The following ATXN10 variants were observed in gnomAD, a reference collection of about 807,000 sequenced individuals.
ATXN10 encodes ataxin 10, also known as ataxin-10.
ATXN10 carries 28 observed loss-of-function variants against 52.9 expected under a neutral mutation model. That is an observed-to-expected ratio of 0.53 (90% CI 0.39 to 0.73). The LOEUF is 0.73. Ranked by LOEUF, ATXN10 falls within the 30% of genes least tolerant of loss-of-function variation. ATXN10 has a pLI of 0.00. For missense variants in ATXN10, 565 were observed against 577.0 expected (o/e 0.98, Z 0.21); for synonymous variants, 226 against 221.5 (o/e 1.02, Z -0.18).
At position 45,688,014 on chromosome 22, in the gene ATXN10, A is replaced by C. The variant is rs1466219811; in HGVS notation, c.117-1698A>C. ...AGAGGTTGCAGTGAGCCAAGATTGC[A>C]CCACTGCAACTCCAGCCTGGGCGAC... On this transcript the variant is annotated intron_variant, in intron 1 of 11. Coordinates refer to ENST00000252934, the MANE Select transcript of ATXN10 (RefSeq NM_013236.4). The surrounding 1 kb of genome is among the most constrained non-coding windows in gnomAD (Gnocchi z 4.0). Among the ~76,000 whole-genome samples the C allele has an allele frequency of 6.6e-6, 1 of 152,138 alleles. No individual in the cohort carries two copies. Among genetic ancestry groups the C allele is most frequent in the East Asian group, 1.9e-4 (1 of 5,184 alleles).
At chr22:45,832,877 G>T (rs545766440) in intron 10 of ATXN10, among the ~76,000 whole-genome samples, 1 of 152,156 alleles carries the variant, frequency 6.6e-6, no homozygotes, top group Non-Finnish European at 1.5e-5. Context: ...AGAGATACGC[G>T]TCAAGGGAGA....
intron 10 of ATXN10, among the ~76,000 whole-genome samples, chr22:45,815,755 C>A (rs1377400910): frequency 7.9e-5 from 12 of 152,088 alleles, no homozygotes; most frequent in African/African-American, 2.7e-4. Context: ...AGGGTGTAAA[C>A]CCAGCTTTCT....
intron 5 of ATXN10, among the ~76,000 whole-genome samples, chr22:45,716,250 C>T (rs1464099922): frequency 6.6e-6 from 1 of 151,760 alleles, no homozygotes; most frequent in African/African-American, 2.4e-5. Flanking sequence ...GGTGACAGAG[C>T]GAGACCCCAT....
rs529403811 is a variant in ATXN10 at position 45,750,743 on chromosome 22, A to C, written c.1173+10205A>C. ...TTTATAGGTTAGTGGAGGCAGACATAGTTTCCAAACAGACCCAGGAGAAGT... is the reference window on the plus strand; with the variant it reads ...TTTATAGGTTAGTGGAGGCAGACATCGTTTCCAAACAGACCCAGGAGAAGT... On this transcript the variant is annotated intron_variant, in intron 9 of 11. Transcript: ENST00000252934. This position sits in a 1 kb window ranked among gnomAD's most constrained non-coding sequence, Gnocchi z 4.2. 2.0e-5 allele frequency among the ~76,000 whole-genome samples: 3 copies of C among 152,342 alleles called. No individual in the cohort carries two copies. The highest frequency in any genetic ancestry group is 7.2e-5 in the African/African-American group (3 of 41,582).
In ATXN10 at chr22:45,766,832, C is replaced by T. The variant is rs1378225328; in HGVS notation, c.1173+26294C>T. On this transcript the variant is annotated intron_variant, in intron 9 of 11. Coordinates refer to ENST00000252934, the MANE Select transcript of ATXN10 (RefSeq NM_013236.4). This position sits in a 1 kb window ranked among gnomAD's most constrained non-coding sequence, Gnocchi z 4.6. Reference sequence around the variant, plus strand: ...AAAAATAAAGGAAAAAACCAATAGCCCTACAGAAAAATGGATAAAAGATAT... The same window carrying T: ...AAAAATAAAGGAAAAAACCAATAGCTCTACAGAAAAATGGATAAAAGATAT... Among the ~76,000 whole-genome samples the T allele has an allele frequency of 1.3e-5, 2 of 151,970 alleles. No homozygotes were observed. The highest frequency in any genetic ancestry group is 2.9e-5 in the Non-Finnish European group (2 of 67,984).
chr22:45,672,084 G>A lies in ATXN10; in HGVS notation c.21G>A (p.Pro7=). The stretch of plus-strand genomic sequence containing the variant: ...GCAAGATGGCGGCGCCCAGGCCGCC[G>A]CCTGCCAGGCTGTCGGGCGTCATGG... The part of the protein sequence containing the change: MAAPRP[P]PARLSGVMVP... The change falls in exon 1 of 12, where the codon CCG becomes CCA. Residue 7 remains proline, a synonymous_variant. Transcript: ENST00000252934. The A allele has an allele frequency of 1.3e-6, 2 of 1,538,020 alleles. No individual in the cohort carries two copies. The highest frequency in any genetic ancestry group is 1.7e-6 in the Non-Finnish European group (2 of 1,145,302).
At chr22:45,706,803 A>G (rs992252783) in intron 5 of ATXN10, among the ~76,000 whole-genome samples, 1 of 151,936 alleles carries the variant, frequency 6.6e-6, no homozygotes, top group Non-Finnish European at 1.5e-5. Context: ...TCTGTCATAG[A>G]GAATGTTCCA....
chr22:45,672,957 T>C (rs954629183), intron 1 of ATXN10: 1 of 152,224 alleles, frequency 6.6e-6, no homozygotes, highest in South Asian at 2.1e-4. Context: ...CGTGAAAATA[T>C]AAAATGTGCG....
At chr22:45,714,459 C>T (rs1303484190) in intron 5 of ATXN10, among the ~76,000 whole-genome samples, 1 of 152,140 alleles carries the variant, frequency 6.6e-6, no homozygotes, top group Non-Finnish European at 1.5e-5. Flanking sequence ...TGGCTCACTG[C>T]AGCCTCAATC....
At position 45,770,423 on chromosome 22, in the gene ATXN10, A is replaced by G. The variant is rs930152778; in HGVS notation, c.1173+29885A>G. On this transcript the variant is annotated intron_variant, in intron 9 of 11. Coordinates refer to ENST00000252934, the MANE Select transcript of ATXN10 (RefSeq NM_013236.4). The surrounding 1 kb of genome is among the most constrained non-coding windows in gnomAD (Gnocchi z 4.5). ...GGGGTATGTGATGAATATACACACT[A>G]ATGGGACACACACGTGTGTTTCTGT... is the stretch of plus-strand genomic sequence containing the variant. 1.3e-5 allele frequency among the ~76,000 whole-genome samples: 2 copies of G among 152,228 alleles called. No individual in the cohort carries two copies. Among genetic ancestry groups the G allele is most frequent in the Non-Finnish European group, 2.9e-5 (2 of 68,046 alleles).
At chr22:45,734,365 TAAA>T (rs759919126) in intron 7 of ATXN10, 4 of 270,748 alleles carry the variant, frequency 1.5e-5, no homozygotes, top group East Asian at 1.8e-4. Flanking sequence ...ATGCATTTAT[TAAA>T]AAGCATTTTC....
rs1224358429 is a variant in ATXN10 at position 45,789,767 on chromosome 22, C to T, written c.1174-17192C>T. Among the ~76,000 whole-genome samples, 1 of 152,166 alleles carries T rather than the reference C, an allele frequency of 6.6e-6. No homozygotes were observed. The highest frequency in any genetic ancestry group is 2.4e-5 in the African/African-American group (1 of 41,408). ...TCCTTTGGAGAGAAGCTCAGTTTGT[C>T]AGGATTGTCCTGCTCCCACCTTCAT... On this transcript the variant is annotated intron_variant, in intron 9 of 11. Transcript: ENST00000252934. This position sits in a 1 kb window ranked among gnomAD's most constrained non-coding sequence, Gnocchi z 4.0.
chr22:45,698,554 G>A (rs1040116922), intron 3 of ATXN10, among the ~76,000 whole-genome samples: 4 of 152,168 alleles, frequency 2.6e-5, no homozygotes, highest in African/African-American at 9.7e-5. Context: ...GGGAAGAATT[G>A]CCATCTTAAC....
Position 45,795,130 on chromosome 22 carries a change from C to G in ATXN10, c.1174-11829C>G, listed in dbSNP as rs1165348827. On this transcript the variant is annotated intron_variant, in intron 9 of 11. Transcript: ENST00000252934. This position sits in a 1 kb window ranked among gnomAD's most constrained non-coding sequence, Gnocchi z 4.6. ...AAGGTAAAGATGTATACTCTAAACTCCAGTGCAACCACTTTTAGAAAAAGA... is the reference window on the plus strand; with the variant it reads ...AAGGTAAAGATGTATACTCTAAACTGCAGTGCAACCACTTTTAGAAAAAGA... Among the ~76,000 whole-genome samples the G allele has an allele frequency of 6.6e-6, 1 of 152,046 alleles. No individual in the cohort carries two copies. The highest frequency in any genetic ancestry group is 1.5e-5 in the Non-Finnish European group (1 of 68,000).
chr22:45,729,497 GT>G lies in ATXN10; in HGVS notation c.806del (p.Leu269CysfsTer6). On this transcript the variant is annotated frameshift_variant, in exon 7 of 12. Transcript: ENST00000252934. LOFTEE classifies it high-confidence loss of function. ...CACTCACCAAGGATGACATCCCTGTGTTTTTGCGGCATGCTGAGTTGATTGC... is the reference window on the plus strand; with the variant it reads ...CACTCACCAAGGATGACATCCCTGTGTTTTGCGGCATGCTGAGTTGATTGC... ...EPLTKDDIPV[F>X]LRHAELIAST... 6.2e-7 allele frequency: 1 copy of G among 1,614,124 alleles called. No individual in the cohort carries two copies. The highest frequency in any genetic ancestry group is 8.5e-7 in the Non-Finnish European group (1 of 1,180,020).
Position 45,705,358 on chromosome 22 carries a change from G to A in ATXN10, c.647+2511G>A, listed in dbSNP as rs1923997955. Among the ~76,000 whole-genome samples, 1 of 151,884 alleles carries A rather than the reference G, an allele frequency of 6.6e-6. No homozygotes were observed. The highest frequency in any genetic ancestry group is 2.4e-5 in the African/African-American group (1 of 41,356). On this transcript the variant is annotated intron_variant, in intron 5 of 11. Transcript: ENST00000252934. This position sits in a 1 kb window ranked among gnomAD's most constrained non-coding sequence, Gnocchi z 5.2. ...TTTAAATATGTGGTAGAATTCACTG[G>A]TGAAGCCATCTGGTCTTGGGCTTTT...
intron 10 of ATXN10, among the ~76,000 whole-genome samples, chr22:45,827,378 A>G (rs1214327092): frequency 1.3e-5 from 2 of 152,238 alleles, no homozygotes; most frequent in Non-Finnish European, 2.9e-5. Flanking sequence ...AACAGAATGG[A>G]TAAAAACACT....
In ATXN10 at chr22:45,688,770, A is replaced by G. The variant is rs918522331; in HGVS notation, c.117-942A>G. On this transcript the variant is annotated intron_variant, in intron 1 of 11. Coordinates refer to ENST00000252934, the MANE Select transcript of ATXN10 (RefSeq NM_013236.4). The surrounding 1 kb of genome is among the most constrained non-coding windows in gnomAD (Gnocchi z 4.0). ...GCGAGAGCAGAAGGAGAAAATTCAT[A>G]TGGTCTGAATCATTTGGCATTTATA... 2.6e-5 allele frequency among the ~76,000 whole-genome samples: 4 copies of G among 152,224 alleles called. No individual in the cohort carries two copies. The highest frequency in any genetic ancestry group is 4.1e-4 in the South Asian group (2 of 4,834).
chr22:45,838,239 A>G (rs1022428090), intron 10 of ATXN10, among the ~76,000 whole-genome samples: 6 of 152,142 alleles, frequency 3.9e-5, no homozygotes, highest in Non-Finnish European at 8.8e-5. Context: ...TGCTGGTACA[A>G]GGCCACCCAG....
Sources: gnomAD v4.1 joint callset for allele counts (sites outside exome capture counted in the v4.1 genomes callset) on GRCh38, gnomAD v4.1.1 for gene constraint, Gnocchi (gnomAD v3.1) non-coding constraint, MANE v1.5 for transcripts, NCBI Gene and HGNC (gene_info 2026-07-23, HGNC 2026-07-21) for gene names.